The following ACYP2 variants were observed in gnomAD, a reference collection of about 807,000 sequenced individuals.
ACYP2 encodes acylphosphatase-2.
A neutral mutation model predicts 11.2 loss-of-function variants in ACYP2; 12 were observed. That is an observed-to-expected ratio of 1.08 (90% CI 0.69 to 1.74). The LOEUF (loss-of-function observed/expected upper bound fraction) is 1.74, where lower values mean the gene tolerates loss of function less well. Among genes scored for constraint, ACYP2 ranks in the 40% most tolerant of loss-of-function variants. ACYP2 has a pLI of 0.00. For missense variants in ACYP2, 134 were observed against 101.9 expected (o/e 1.31, Z -1.35); for synonymous variants, 43 against 32.2 (o/e 1.33, Z -1.13).
chr2:54,206,926 ATAT>A (rs922676385), intron 6 of ACYP2, among the ~76,000 whole-genome samples: 16 of 152,240 alleles, frequency 1.1e-4, no homozygotes, highest in African/African-American at 3.9e-4. Context: ...AATTTACATA[ATAT>A]TAGGATGAAT....
At chr2:54,214,333 C>T (rs373766159) in intron 6 of ACYP2, among the ~76,000 whole-genome samples, 50 of 152,218 alleles carry the variant, frequency 3.3e-4, no homozygotes, top group African/African-American at 1.2e-3. Flanking sequence ...CGTCTAGAAT[C>T]TCATTTCCCA....
intron 2 of ACYP2, among the ~76,000 whole-genome samples, chr2:54,039,819 T>TTTTGTG (rs1553359336): frequency 7.9e-6 from 1 of 126,608 alleles, no homozygotes; most frequent in Admixed American, 8.3e-5. Context: ...TTGTTTTCTT[T>TTTTGTG]TGTGTGTGTG....
At chr2:54,050,662 T>C (rs755988228) in intron 2 of ACYP2, among the ~76,000 whole-genome samples, 2 of 152,294 alleles carry the variant, frequency 1.3e-5, no homozygotes, top group South Asian at 2.1e-4. Flanking sequence ...TGCATAGTCA[T>C]GTATACACCG....
chr2:54,007,527 A>G (rs1673141535), intron 2 of ACYP2, among the ~76,000 whole-genome samples: 1 of 151,020 alleles, frequency 6.6e-6, no homozygotes, highest in Non-Finnish European at 1.5e-5. Flanking sequence ...TCCTGGGATT[A>G]CAGGCGTGAG....
intron 4 of ACYP2, among the ~76,000 whole-genome samples, chr2:54,081,129 A>C (rs1292852346): frequency 6.6e-6 from 1 of 152,212 alleles, no homozygotes; most frequent in Non-Finnish European, 1.5e-5. Flanking sequence ...ATTCTGTGAT[A>C]TCCTCATTGA....
At chr2:54,141,405 C>A (rs185056519) in intron 6 of ACYP2, among the ~76,000 whole-genome samples, 222 of 152,260 alleles carry the variant, frequency 1.5e-3, no homozygotes, top group Non-Finnish European at 1.2e-3. Context: ...TACATTTAAG[C>A]ATTTACTCCA....
intron 6 of ACYP2, among the ~76,000 whole-genome samples, chr2:54,197,914 ATTATT>A (rs1211194271): frequency 2.6e-5 from 3 of 114,228 alleles, no homozygotes; most frequent in Non-Finnish European, 3.9e-5. Context: ...ATTTTATTTT[ATTATT>A]TTATTTTATT....
intron 2 of ACYP2, among the ~76,000 whole-genome samples, chr2:54,047,037 A>G (rs558884595): frequency 3.3e-5 from 5 of 152,216 alleles, no homozygotes; most frequent in Non-Finnish European, 5.9e-5. Flanking sequence ...TTCAGTAGAT[A>G]TTATTCGTGT....
intron 6 of ACYP2, among the ~76,000 whole-genome samples, chr2:54,163,913 T>C (rs1682839816): frequency 6.6e-6 from 1 of 152,154 alleles, no homozygotes; most frequent in South Asian, 2.1e-4. Context: ...GTGGGGAGCA[T>C]TGTGCTAGGC....
chr2:54,205,186 G>A (rs1209409964), intron 6 of ACYP2, among the ~76,000 whole-genome samples: 1 of 152,192 alleles, frequency 6.6e-6, no homozygotes, highest in African/African-American at 2.4e-5. Flanking sequence ...GTATTCTCAA[G>A]CACCTGCATA....
At chr2:54,179,746 G>GT (rs1240912980) in intron 6 of ACYP2, among the ~76,000 whole-genome samples, 1 of 152,162 alleles carries the variant, frequency 6.6e-6, no homozygotes, top group East Asian at 1.9e-4. Flanking sequence ...ACTGCAGCCT[G>GT]TTTTATCAGC....
At chr2:54,299,974 C>G (rs1372664448) in intron 6 of ACYP2, among the ~76,000 whole-genome samples, 1 of 152,200 alleles carries the variant, frequency 6.6e-6, no homozygotes, top group Non-Finnish European at 1.5e-5. Flanking sequence ...CACCTTTTCA[C>G]TTTATTCAAT....
intron 4 of ACYP2, among the ~76,000 whole-genome samples, chr2:54,092,859 G>A (rs983142683): frequency 1.9e-4 from 29 of 152,124 alleles, no homozygotes; most frequent in African/African-American, 7.0e-4. Flanking sequence ...CAGAAGTACT[G>A]GCTGCTTGAC....
At chr2:53,994,563 GGGT>G (rs1415713234) in intron 2 of ACYP2, among the ~76,000 whole-genome samples, 1 of 151,116 alleles carries the variant, frequency 6.6e-6, no homozygotes, top group Non-Finnish European at 1.5e-5. Flanking sequence ...GGTCATGCTG[GGGT>G]GGACTATGAG....
intron 4 of ACYP2, among the ~76,000 whole-genome samples, chr2:54,132,118 A>G (rs909846581): frequency 2.6e-5 from 4 of 152,156 alleles, no homozygotes; most frequent in Non-Finnish European, 5.9e-5. Context: ...CTTTCAGTCT[A>G]CTTACTTGGT....
chr2:54,248,288 G>C (rs890372572), intron 6 of ACYP2, among the ~76,000 whole-genome samples: 3 of 152,114 alleles, frequency 2.0e-5, no homozygotes, highest in East Asian at 3.8e-4. Flanking sequence ...TGTTTGATTA[G>C]GTTTTCATTA....
chr2:54,189,580 A>G (rs1386047679), intron 6 of ACYP2, among the ~76,000 whole-genome samples: 1 of 128,980 alleles, frequency 7.8e-6, no homozygotes, highest in East Asian at 3.3e-4. Context: ...TTTAATATGT[A>G]TATCTGTGTT....
intron 4 of ACYP2, among the ~76,000 whole-genome samples, chr2:54,132,489 A>G (rs1305095397): frequency 6.6e-6 from 1 of 152,028 alleles, no homozygotes; most frequent in Non-Finnish European, 1.5e-5. Flanking sequence ...CTTGTTGGGT[A>G]CCACAGTATA....
chr2:54,026,509 A>G (rs1003806416), intron 2 of ACYP2, among the ~76,000 whole-genome samples: 1 of 152,246 alleles, frequency 6.6e-6, no homozygotes, highest in African/African-American at 2.4e-5. Flanking sequence ...GAGATTCCTT[A>G]AAGAACTAAA....
Sources: gnomAD v4.1 joint callset for allele counts (sites outside exome capture counted in the v4.1 genomes callset) on GRCh38, gnomAD v4.1.1 for gene constraint, MANE v1.5 for transcripts, NCBI Gene and HGNC (gene_info 2026-07-23, HGNC 2026-07-21) for gene names.